MDH1: variants seen among roughly 807,000 people sequenced by gnomAD.
MDH1 encodes malate dehydrogenase 1, also known as malate dehydrogenase, cytoplasmic.
MDH1 carries 15 observed loss-of-function variants against 38.7 expected under a neutral mutation model. The observed-to-expected ratio is 0.39, with a 90% CI of 0.26 to 0.60. The LOEUF (loss-of-function observed/expected upper bound fraction) is 0.60. Ranked by LOEUF, MDH1 falls within the 20% of genes least tolerant of loss-of-function variation. The pLI is 0.56. For missense variants in MDH1, 368 were observed against 405.2 expected (o/e 0.91, Z 0.79); for synonymous variants, 144 against 143.6 (o/e 1.00, Z -0.02).
At chr2:63,604,984 C>T in intron 6 of MDH1, 112 bp downstream of exon 6, 1 of 1,052,416 alleles carries the variant, frequency 9.5e-7, no homozygotes. Context: ...CTGATGACTG[C>T]ATACTTTCGG....
At chr2:63,596,487 C>A (rs962946919) in intron 3 of MDH1, among the ~76,000 whole-genome samples, 1 of 152,170 alleles carries the variant, frequency 6.6e-6, no homozygotes, top group African/African-American at 2.4e-5. Flanking sequence ...GCTGAGTTCC[C>A]TGTGCTTTTT....
In MDH1 at chr2:63,597,594, A is replaced by G. The variant is rs536154902; in HGVS notation, c.375+20A>G. ...GTTAAGGTGACCAATGCTGTATTTT[A>G]TGGGATTTTTCATTATTAGCATTTG... On this transcript the variant is annotated intron_variant, in intron 4 of 8. Transcript: ENST00000233114. 5.2e-6 allele frequency: 7 copies of G among 1,343,776 alleles called. No individual in the cohort carries two copies. Among genetic ancestry groups the G allele is most frequent in the South Asian group, 2.5e-5 (1 of 40,816 alleles). 83.2% of individuals were successfully genotyped at this position (1,343,776 alleles called of 1,614,324 possible).
At chr2:63,595,328 G>A (rs1381002498) in intron 2 of MDH1, 95 bp from the exon 3 acceptor site, 2 of 775,878 alleles carry the variant, frequency 2.6e-6, no homozygotes, top group South Asian at 1.4e-5. Context: ...GGAATTACAT[G>A]CATGTACATA....
intron 1 of MDH1, 41 bp from the exon 2 acceptor site, chr2:63,594,447 C>T (rs1709262933): frequency 1.5e-6 from 2 of 1,293,716 alleles, no homozygotes; most frequent in Middle Eastern, 1.8e-4. Context: ...TTTTAAGGTA[C>T]AGTAGTACTT....
chr2:63,601,666 C>G (rs569734243), intron 5 of MDH1, among the ~76,000 whole-genome samples: 47 of 152,130 alleles, frequency 3.1e-4, no homozygotes, highest in African/African-American at 1.1e-3. Flanking sequence ...TGGATTAGCT[C>G]AAGAGATAGA....
intron 7 of MDH1, 56 bp from the exon 8 acceptor site, chr2:63,605,883 A>G: frequency 7.2e-7 from 1 of 1,380,618 alleles, no homozygotes; most frequent in Non-Finnish European, 1.0e-6. Flanking sequence ...TTATTAGTTC[A>G]TGTGTCAGTT....
At chr2:63,591,567 TTAATAGA>T (rs1022916967) in intron 1 of MDH1, among the ~76,000 whole-genome samples, 1 of 152,244 alleles carries the variant, frequency 6.6e-6, no homozygotes, top group Non-Finnish European at 1.5e-5. Context: ...GAAGTTAAAC[TTAATAGA>T]TAGTGATCTT....
intron 6 of MDH1, 71 bp from the exon 7 acceptor site, chr2:63,605,209 G>A (rs919255420): frequency 2.6e-5 from 26 of 1,010,284 alleles, no homozygotes; most frequent in Middle Eastern, 2.0e-4. Flanking sequence ...CCCCAAGGTC[G>A]ACTTGGAATT....
rs765005293 is a variant in MDH1, at chr2:63,606,881, T to C, written c.899T>C (p.Val300Ala). The change falls in exon 9 of 9, where the codon GTT (valine) becomes GCT (alanine). Residue 300 changes from valine (V) to alanine (A), a missense_variant. By Grantham distance (64) the Val-to-Ala change is moderately conservative (BLOSUM62 0). Transcript: ENST00000233114. ...VVIKNKTWKF[V>A]EGLPINDFSR... ...AAACAGAATAAGACCTGGAAGTTTG[T>C]TGAAGGTCTCCCTATTAATGATTTC... is the stretch of plus-strand genomic sequence containing the variant. 3 of 1,611,494 alleles carry C rather than the reference T, an allele frequency of 1.9e-6. No homozygotes were observed. In the East Asian group the frequency reaches 6.7e-5, roughly 36 times the overall value.
At chr2:63,599,422 T>C in intron 5 of MDH1, 130 bp downstream of exon 5, 1 of 897,330 alleles carries the variant, frequency 1.1e-6, no homozygotes, top group Non-Finnish European at 1.6e-6. Flanking sequence ...TTACTTTTAT[T>C]AAATTAAAAG....
At position 63,606,044 on chromosome 2, in the gene MDH1, G is replaced by A; in HGVS notation, c.879+16G>A. On this transcript the variant is annotated intron_variant, in intron 8 of 8. Coordinates refer to ENST00000233114, the MANE Select transcript of MDH1 (RefSeq NM_005917.4). ...TGTAATCAAGGTAAGGTATTTTGGAGCTATTTCCCTTCTTTGAGGAAGTAG... is the reference window on the plus strand; with the variant it reads ...TGTAATCAAGGTAAGGTATTTTGGAACTATTTCCCTTCTTTGAGGAAGTAG... 6.3e-7 allele frequency: 1 copy of A among 1,599,780 alleles called. No individual in the cohort carries two copies. The highest frequency in any genetic ancestry group is 8.6e-7 in the Non-Finnish European group (1 of 1,167,054).
chr2:63,593,585 C>A (rs1404184669), intron 1 of MDH1: 2 of 471,456 alleles, frequency 4.2e-6, no homozygotes, highest in Admixed American at 4.7e-5. Context: ...AGAAACCAAA[C>A]ACTTCTGGGC....
Position 63,599,188 on chromosome 2 carries a change from C to T in MDH1, c.394C>T (p.Pro132Ser). The T allele has an allele frequency of 6.2e-7, 1 of 1,613,610 alleles. No individual in the cohort carries two copies. The highest frequency in any genetic ancestry group is 8.5e-7 in the Non-Finnish European group (1 of 1,179,682). The change falls in exon 5 of 9, where the codon CCA becomes TCA. Residue 132 changes from proline (P) to serine (S), a missense_variant. Coordinates refer to ENST00000233114, the MANE Select transcript of MDH1 (RefSeq NM_005917.4). ...KSVKVIVVGN[P>S]ANTNCLTASK... is the part of the protein sequence containing the mutation. ...CTCCTAGGTTATTGTTGTGGGTAAT[C>T]CAGCCAATACCAACTGCCTGACTGC...
Position 63,605,358 on chromosome 2 carries a change from GACC to G in MDH1, c.757_759del (p.His253del). The G allele has an allele frequency of 6.2e-7, 1 of 1,614,140 alleles. No individual in the cohort carries two copies. The highest frequency in any genetic ancestry group is 8.5e-7 in the Non-Finnish European group (1 of 1,179,994). ...CATGTCTGCTGCAAAAGCCATCTGT[GACC>G]ACGTCAGGGACATCTGGTTTGGAAC... On this transcript the variant is annotated inframe_deletion, in exon 7 of 9. Coordinates refer to ENST00000233114, the MANE Select transcript of MDH1 (RefSeq NM_005917.4).
intron 1 of MDH1, 28 bp from the exon 2 acceptor site, chr2:63,594,460 A>C: frequency 6.7e-7 from 1 of 1,482,558 alleles, no homozygotes; most frequent in East Asian, 2.3e-5. Context: ...TAGTACTTAA[A>C]GATGTTAATG....
chr2:63,590,752 A>C (rs544965264), intron 1 of MDH1: 1 of 152,330 alleles, frequency 6.6e-6, no homozygotes, highest in African/African-American at 2.4e-5. Flanking sequence ...GCCAGATAAC[A>C]CAGAGACAGA....
chr2:63,599,052 G>A, intron 4 of MDH1, 118 bp from the exon 5 acceptor site: 1 of 896,998 alleles, frequency 1.1e-6, no homozygotes, highest in Admixed American at 2.8e-5. Context: ...TGTATTTGGT[G>A]TTTCCCAAGC....
intron 1 of MDH1, chr2:63,589,438 C>T (rs1257171892): frequency 1.3e-6 from 2 of 1,510,382 alleles, no homozygotes; most frequent in Non-Finnish European, 1.8e-6. Context: ...CCTCATTTGC[C>T]CACAGTGTTT....
At chr2:63,606,082 C>CT in intron 8 of MDH1, 54 bp downstream of exon 8, 1 of 1,487,424 alleles carries the variant, frequency 6.7e-7, no homozygotes, top group Non-Finnish European at 9.4e-7. Flanking sequence ...ATATGTTTCT[C>CT]TTAAGAATGG....
Sources: gnomAD v4.1 joint callset for allele counts (sites outside exome capture counted in the v4.1 genomes callset) on GRCh38, gnomAD v4.1.1 for gene constraint, MANE v1.5 for transcripts, NCBI Gene and HGNC (gene_info 2026-07-23, HGNC 2026-07-21) for gene names.